Variants in PARP8 observed in about 807,000 individuals in gnomAD.
The protein encoded by PARP8 is protein mono-ADP-ribosyltransferase PARP8.
Under a neutral mutation model 124.1 loss-of-function variants are expected in PARP8, and 51 were observed. That is an observed-to-expected ratio of 0.41 (90% confidence interval 0.33 to 0.52). The LOEUF is 0.52. Among genes scored for constraint, PARP8 ranks in the 20% least tolerant of loss-of-function variants. The pLI, the probability that PARP8 is intolerant of heterozygous loss-of-function variation, is 0.21. For synonymous variants in PARP8, 391 were observed against 361.5 expected (o/e 1.08, Z -0.93); for missense variants, 860 against 1,018.9 (o/e 0.84, Z 2.12).
chr5:50,803,679 C>T (rs1031206478), intron 14 of PARP8, among the ~76,000 whole-genome samples: 4 of 152,038 alleles, frequency 2.6e-5, no homozygotes, highest in African/African-American at 7.2e-5. Context: ...AATTGATACT[C>T]TCTGTTGACA....
At chr5:50,783,630 G>A (rs1167282421) in intron 9 of PARP8, among the ~76,000 whole-genome samples, 1 of 152,098 alleles carries the variant, frequency 6.6e-6, no homozygotes, top group East Asian at 1.9e-4. Context: ...TCAGATCCCT[G>A]ATGCCATAAT....
At chr5:50,830,537 C>T (rs747095323) in intron 22 of PARP8, among the ~76,000 whole-genome samples, 15 of 152,090 alleles carry the variant, frequency 9.9e-5, no homozygotes, top group Admixed American at 2.0e-4. Flanking sequence ...ATTACTTATC[C>T]TTGGTGGAAT....
At chr5:50,754,011 A>G (rs1339884055) in intron 3 of PARP8, among the ~76,000 whole-genome samples, 3 of 149,548 alleles carry the variant, frequency 2.0e-5, no homozygotes, top group South Asian at 2.1e-4. Context: ...TATAAAACAT[A>G]CACATTAAAA....
At chr5:50,800,677 T>A (rs2149662908) in intron 14 of PARP8, among the ~76,000 whole-genome samples, 1 of 152,272 alleles carries the variant, frequency 6.6e-6, no homozygotes, top group South Asian at 2.1e-4. Flanking sequence ...GTTTTTCTTT[T>A]ATGCTATTAA....
chr5:50,725,604 T>C (rs928351122), intron 2 of PARP8, among the ~76,000 whole-genome samples: 11 of 152,200 alleles, frequency 7.2e-5, no homozygotes, highest in South Asian at 2.1e-4. Flanking sequence ...AATATGGCTG[T>C]CAATTAAAGC....
chr5:50,828,385 G>T lies in PARP8; in HGVS notation c.2163+1G>T. 1 of 1,610,596 alleles carries T rather than the reference G, an allele frequency of 6.2e-7. No individual in the cohort carries two copies. Among genetic ancestry groups the T allele is most frequent in the Non-Finnish European group, 8.5e-7 (1 of 1,177,238 alleles). Reference sequence around the variant, plus strand: ...TGTTGCTTCTAATACACGATTGCAGGTAGATTTTCTGAATGCTTTCACAAG... The same window carrying T: ...TGTTGCTTCTAATACACGATTGCAGTTAGATTTTCTGAATGCTTTCACAAG... On this transcript the variant is annotated splice_donor_variant, in intron 21 of 25. Coordinates refer to ENST00000281631, the MANE Select transcript of PARP8 (RefSeq NM_024615.4). LOFTEE classifies it high-confidence loss of function.
At chr5:50,670,372 G>A (rs1333008530) in intron 2 of PARP8, among the ~76,000 whole-genome samples, 4 of 152,152 alleles carry the variant, frequency 2.6e-5, no homozygotes, top group Admixed American at 6.5e-5. Context: ...TCAAGTTGTA[G>A]ATAAAACTTA....
rs540947444 is a variant in PARP8, at chr5:50,833,607, A to T, written c.2308-372A>T. 2.6e-5 allele frequency among the ~76,000 whole-genome samples: 4 copies of T among 152,068 alleles called. No individual in the cohort carries two copies. In the East Asian group the frequency reaches 7.7e-4, roughly 29 times the overall value. ...TATTAAAAAAATGGGTTGGTTTTGG[A>T]GTAGGTGATCTGAAATAATTGATTT... On this transcript the variant is annotated intron_variant, in intron 23 of 25. Transcript: ENST00000281631.
chr5:50,833,929 C>A, intron 23 of PARP8, 50 bp from the exon 24 acceptor site: 3 of 1,481,682 alleles, frequency 2.0e-6, no homozygotes, highest in South Asian at 1.2e-5. Context: ...CAGCTTTTTT[C>A]ACAAAGTGTT....
intron 2 of PARP8, among the ~76,000 whole-genome samples, chr5:50,672,586 C>A (rs1203409802): frequency 1.3e-5 from 2 of 152,114 alleles, no homozygotes; most frequent in Non-Finnish European, 2.9e-5. Flanking sequence ...TTTTAGGGGA[C>A]AGATAATGCA....
At chr5:50,746,696 G>A (rs1758581426) in intron 2 of PARP8, among the ~76,000 whole-genome samples, 1 of 151,840 alleles carries the variant, frequency 6.6e-6, no homozygotes, top group African/African-American at 2.4e-5. Context: ...ATCTTATTTG[G>A]CATTAACACA....
Position 50,844,494 on chromosome 5 carries a change from G to A in PARP8, c.*2426G>A, listed in dbSNP as rs1395579561. On this transcript the variant is annotated 3_prime_UTR_variant, in exon 26 of 26. Coordinates refer to ENST00000281631, the MANE Select transcript of PARP8 (RefSeq NM_024615.4). ...AATCCAAGCAGGTCCATACAATTTA[G>A]AGATTTGAACACTGTTATCATGCTT... 2.0e-5 allele frequency: 3 copies of A among 151,730 alleles called. No individual in the cohort carries two copies. The highest frequency in any genetic ancestry group is 7.3e-5 in the African/African-American group (3 of 41,368). 9.4% of individuals were successfully genotyped at this position (151,730 alleles called of 1,614,324 possible).
intron 2 of PARP8, among the ~76,000 whole-genome samples, chr5:50,692,379 C>T (rs1752584589): frequency 6.6e-6 from 1 of 152,076 alleles, no homozygotes; most frequent in Admixed American, 6.5e-5. Context: ...AATTAAACAT[C>T]TCCTCTAGGA....
chr5:50,668,019 G>T, intron 1 of PARP8, 52 bp from the exon 2 acceptor site: 1 of 1,611,196 alleles, frequency 6.2e-7, no homozygotes, highest in Non-Finnish European at 8.5e-7. Context: ...CCTGATCGGG[G>T]TTAAAACAAA....
chr5:50,730,305 A>G (rs1233991794), intron 2 of PARP8, among the ~76,000 whole-genome samples: 1 of 152,092 alleles, frequency 6.6e-6, no homozygotes, highest in African/African-American at 2.4e-5. Context: ...TTTATAAAGG[A>G]AAGAGGTTTA....
intron 2 of PARP8, among the ~76,000 whole-genome samples, chr5:50,709,888 G>A (rs1410313554): frequency 3.5e-5 from 5 of 143,992 alleles, no homozygotes; most frequent in African/African-American, 1.3e-4. Flanking sequence ...TGTGTTGGGG[G>A]GGAGAGACTA....
intron 2 of PARP8, among the ~76,000 whole-genome samples, chr5:50,747,154 G>GT (rs370243477): frequency 0.84 from 102,323 of 121,602 alleles, 42,844 homozygotes; most frequent in East Asian, 0.93. Flanking sequence ...TTTTTTGTTT[G>GT]TTTGTTTTGT....
chr5:50,713,460 T>A (rs983550278), intron 2 of PARP8, among the ~76,000 whole-genome samples: 4 of 151,988 alleles, frequency 2.6e-5, no homozygotes, highest in Admixed American at 1.3e-4. Context: ...AGGCTGACCT[T>A]GAACTTCTGG....
chr5:50,753,370 G>A (rs895692456), intron 3 of PARP8, among the ~76,000 whole-genome samples: 9 of 151,996 alleles, frequency 5.9e-5, no homozygotes, highest in Non-Finnish European at 7.4e-5. Flanking sequence ...TGAGCATTAG[G>A]TATAGCCTGT....
Sources: gnomAD v4.1 joint callset for allele counts (sites outside exome capture counted in the v4.1 genomes callset) on GRCh38, gnomAD v4.1.1 for gene constraint, MANE v1.5 for transcripts, NCBI Gene and HGNC (gene_info 2026-07-23, HGNC 2026-07-21) for gene names.